CSMD3: variants seen among roughly 807,000 people sequenced by gnomAD.
CSMD3 encodes CUB and sushi domain-containing protein 3.
A neutral mutation model predicts 435.2 loss-of-function variants in CSMD3; 177 were observed. The ratio of observed to expected loss-of-function variants is 0.41; its 90% CI spans 0.36 to 0.46. The LOEUF (loss-of-function observed/expected upper bound fraction) is 0.46. Ranked by LOEUF, CSMD3 falls within the 20% of genes least tolerant of loss-of-function variation. CSMD3 has a pLI of 0.34. For missense variants in CSMD3, 4,265 were observed against 4,504.6 expected (o/e 0.95, Z 1.52); for synonymous variants, 1,656 against 1,520.5 (o/e 1.09, Z -2.07).
At chr8:112,748,272 T>C (rs2077486508) in intron 13 of CSMD3, among the ~76,000 whole-genome samples, 1 of 152,178 alleles carries the variant, frequency 6.6e-6, no homozygotes, top group African/African-American at 2.4e-5. Context: ...AGCAGTGCTC[T>C]TTGAATAGGA....
At chr8:112,409,730 C>G (rs1472869033) in intron 32 of CSMD3, among the ~76,000 whole-genome samples, 1 of 151,924 alleles carries the variant, frequency 6.6e-6, no homozygotes, top group Non-Finnish European at 1.5e-5. Flanking sequence ...ATAGATGTGT[C>G]TTTTTCCTCC....
intron 1 of CSMD3, among the ~76,000 whole-genome samples, chr8:113,427,883 T>A (rs1166441071): frequency 1.3e-5 from 2 of 151,604 alleles, no homozygotes; most frequent in Non-Finnish European, 3.0e-5. Flanking sequence ...ATGATACAAT[T>A]TTATCATTTT....
At chr8:112,736,447 T>A (rs1009570975) in intron 13 of CSMD3, among the ~76,000 whole-genome samples, 47 of 152,018 alleles carry the variant, frequency 3.1e-4, no homozygotes, top group South Asian at 2.1e-4. Context: ...TCACAATCTT[T>A]AGGATACCAC....
At chr8:112,829,877 G>T (rs2079813413) in intron 11 of CSMD3, 88 bp from the exon 12 acceptor site, 2 of 672,414 alleles carry the variant, frequency 3.0e-6, no homozygotes, top group Non-Finnish European at 5.3e-6. Flanking sequence ...TGCATTCTTT[G>T]TCTCTCTGCA....
chr8:112,914,518 C>T (rs1418743581), intron 10 of CSMD3, among the ~76,000 whole-genome samples: 1 of 151,446 alleles, frequency 6.6e-6, no homozygotes, highest in East Asian at 2.0e-4. Context: ...AGCAGAAGAA[C>T]ATACTTCATG....
intron 1 of CSMD3, among the ~76,000 whole-genome samples, chr8:113,317,564 TTTTG>T (rs2093919592): frequency 6.6e-6 from 1 of 152,222 alleles, no homozygotes; most frequent in African/African-American, 2.4e-5. Flanking sequence ...TTACTTTTGT[TTTTG>T]TTTATCACAA....
chr8:112,682,348 T>C (rs966342126), intron 16 of CSMD3, 94 bp downstream of exon 16: 16 of 903,786 alleles, frequency 1.8e-5, no homozygotes, highest in Admixed American at 3.4e-5. Context: ...AAGATAATGA[T>C]TATGACAGTC....
intron 13 of CSMD3, among the ~76,000 whole-genome samples, chr8:112,774,428 T>C (rs1172685784): frequency 1.3e-5 from 2 of 152,072 alleles, no homozygotes; most frequent in African/African-American, 4.8e-5. Context: ...AGGTTTTCCA[T>C]ATAAAGAGCC....
At chr8:112,609,449 C>A (rs1216304754) in intron 22 of CSMD3, among the ~76,000 whole-genome samples, 1 of 151,850 alleles carries the variant, frequency 6.6e-6, no homozygotes, top group Non-Finnish European at 1.5e-5. Context: ...AAATGCAAAT[C>A]AAAACCACAG....
chr8:112,550,742 A>T lies in CSMD3; in HGVS notation c.4493T>A (p.Leu1498His), dbSNP rs2131189145. The change falls in exon 27 of 71, where the codon CTC (leucine) becomes CAC (histidine). Residue 1498 changes from leucine (L) to histidine (H), a missense_variant. By Grantham distance (99) the Leu-to-His change is moderately conservative. Transcript: ENST00000297405. ...GTCAAACTGGATGGTTACTATATTG[A>T]GGGTGCTATGAATTCCTTCAGGAAT... is the stretch of plus-strand genomic sequence containing the variant. The part of the protein sequence containing the change: ...SLIPEGIHST[L>H]NIVTIQFDTD... The T allele has an allele frequency of 6.2e-7, 1 of 1,605,570 alleles. No homozygotes were observed. Among genetic ancestry groups the T allele is most frequent in the African/African-American group, 1.3e-5 (1 of 74,774 alleles).
intron 5 of CSMD3, among the ~76,000 whole-genome samples, chr8:113,059,678 T>A (rs892691003): frequency 1.3e-5 from 2 of 152,218 alleles, no homozygotes; most frequent in Non-Finnish European, 2.9e-5. Flanking sequence ...ATTTGCTAAT[T>A]AGCTTAAGTT....
chr8:113,391,522 A>G (rs1484116522), intron 1 of CSMD3, among the ~76,000 whole-genome samples: 4 of 152,030 alleles, frequency 2.6e-5, no homozygotes, highest in Non-Finnish European at 5.9e-5. Context: ...TTAAGAAATT[A>G]TGGAAAGTTA....
chr8:113,320,143 T>C (rs2093939359), intron 1 of CSMD3, among the ~76,000 whole-genome samples: 2 of 152,052 alleles, frequency 1.3e-5, no homozygotes, highest in Non-Finnish European at 1.5e-5. Flanking sequence ...GAAGTAAAAC[T>C]AAATATAGAT....
chr8:112,771,897 T>A (rs910749034), intron 13 of CSMD3, among the ~76,000 whole-genome samples: 1 of 152,058 alleles, frequency 6.6e-6, no homozygotes, highest in African/African-American at 2.4e-5. Flanking sequence ...ACGACGCATT[T>A]CTGAGGAAAA....
Position 112,947,776 on chromosome 8 carries a change from T to C in CSMD3, c.1508+14A>G, listed in dbSNP as rs1226630794. ...GACAAGATAAATAATGAAGTCAATA[T>C]TTTAAAATATTACCTAAAATCTGAT... On this transcript the variant is annotated intron_variant, in intron 9 of 70. Coordinates refer to ENST00000297405, the MANE Select transcript of CSMD3 (RefSeq NM_198123.2). The C allele has an allele frequency of 3.8e-6, 4 of 1,042,840 alleles. No individual in the cohort carries two copies. The highest frequency in any genetic ancestry group is 1.7e-5 in the Admixed American group (1 of 58,832). The allele number at this position is 1,042,840 out of a possible 1,614,324, so 64.6% of individuals were successfully genotyped here.
At chr8:113,412,189 A>G (rs895320083) in intron 1 of CSMD3, among the ~76,000 whole-genome samples, 2 of 152,126 alleles carry the variant, frequency 1.3e-5, no homozygotes, top group Non-Finnish European at 2.9e-5. Context: ...TACATTTTTC[A>G]CTAGCCAGGA....
intron 12 of CSMD3, among the ~76,000 whole-genome samples, chr8:112,809,340 T>A (rs765448162): frequency 1.9e-4 from 29 of 152,174 alleles, no homozygotes; most frequent in Admixed American, 3.3e-4. Flanking sequence ...GTGCTCTTGA[T>A]GATCCACATG....
intron 20 of CSMD3, among the ~76,000 whole-genome samples, chr8:112,642,343 G>A (rs187284552): frequency 6.6e-6 from 1 of 152,158 alleles, no homozygotes; most frequent in East Asian, 1.9e-4. Context: ...TCTACAACGT[G>A]TTTAAGGAAA....
intron 4 of CSMD3, among the ~76,000 whole-genome samples, chr8:113,100,783 G>A (rs972766630): frequency 5.9e-4 from 90 of 152,056 alleles, no homozygotes; most frequent in African/African-American, 2.0e-3. Context: ...AAAAATAAAT[G>A]ATTTAACTTA....
Sources: gnomAD v4.1 joint callset for allele counts (sites outside exome capture counted in the v4.1 genomes callset) on GRCh38, gnomAD v4.1.1 for gene constraint, MANE v1.5 for transcripts, NCBI Gene and HGNC (gene_info 2026-07-23, HGNC 2026-07-21) for gene names.